GGACT: variants seen among roughly 807,000 people sequenced by gnomAD.
GGACT encodes gamma-glutamylaminecyclotransferase.
For missense variants in GGACT, 241 were observed against 233.2 expected, an observed-to-expected ratio of 1.03 and a Z score of -0.22; for synonymous variants, 118 against 115.3, an observed-to-expected ratio of 1.02 and a Z score of -0.15.
At chr13:100,540,759 A>T (rs1430169428) in intron 2 of GGACT, among the ~76,000 whole-genome samples, 1 of 152,192 alleles carries the variant, frequency 6.6e-6, no homozygotes, top group Admixed American at 6.5e-5. Flanking sequence ...TGCTGTGAGG[A>T]TCACAACCAA....
Position 100,530,406 on chromosome 13 carries a change from T to TAAATC in GGACT, c.*1719_*1723dup. The TAAATC allele has an allele frequency of 1.7e-6, 1 of 590,608 alleles. No individual in the cohort carries two copies. 36.6% of individuals were successfully genotyped at this position (590,608 alleles called of 1,614,324 possible). A position where few individuals can be genotyped will look rare whatever the true frequency, so the allele number is the denominator to read the frequency against. On this transcript the variant is annotated 3_prime_UTR_variant, in exon 3 of 3. Transcript: ENST00000683975. ...CTGTGAGATTCCCTAGTGTCAAAATTAAATCAATAAAACTGAGCATTTGTC... is the reference window on the plus strand; with the variant it reads ...CTGTGAGATTCCCTAGTGTCAAAATTAAATCAAATCAATAAAACTGAGCATTTGTC...
At chr13:100,546,705 A>T (rs1039968845) in intron 2 of GGACT, among the ~76,000 whole-genome samples, 1 of 152,196 alleles carries the variant, frequency 6.6e-6, no homozygotes, top group African/African-American at 2.4e-5. Flanking sequence ...ATATGTAATA[A>T]AATAATGTTT....
Position 100,532,326 on chromosome 13 carries a change from T to C in GGACT, c.266A>G (p.Gln89Arg). 6.5e-7 allele frequency: 1 copy of C among 1,549,914 alleles called. No individual in the cohort carries two copies. Among genetic ancestry groups the C allele is most frequent in the Non-Finnish European group, 8.7e-7 (1 of 1,146,190 alleles). Residue 89 changes from glutamine to arginine, a missense_variant, in exon 3 of 3, where the codon CAG becomes CGG. Gln to Arg is a conservative substitution (Grantham distance 43, BLOSUM62 1). Transcript: ENST00000683975. ...CAGCTGTACCCGCAGCACCGTGCGC[T>C]GGTACAGGGCCGGGCAACTCTCGAA... ...DDFESCPALYQRTVLRVQLLE... is the reference protein window; with the variant it reads ...DDFESCPALYRRTVLRVQLLE...
chr13:100,532,652 C>G, intron 2 of GGACT, 51 bp from the exon 3 acceptor site: 1 of 1,416,280 alleles, frequency 7.1e-7, no homozygotes, highest in South Asian at 1.4e-5. Context: ...AGCTCTGTGT[C>G]TGCACCTGGG....
At chr13:100,570,306 C>A (rs993772216) in intron 2 of GGACT, among the ~76,000 whole-genome samples, 1 of 152,148 alleles carries the variant, frequency 6.6e-6, no homozygotes, top group Non-Finnish European at 1.5e-5. Flanking sequence ...TTAATCGACT[C>A]GTGTTCAGCA....
At chr13:100,536,213 A>G (rs1366466707) in intron 2 of GGACT, 1 of 152,016 alleles carries the variant, frequency 6.6e-6, no homozygotes, top group East Asian at 1.9e-4. Context: ...TTTATCCCTC[A>G]GATTCTAGAA....
intron 1 of GGACT, chr13:100,587,140 G>C (rs1875603625): frequency 6.6e-6 from 1 of 152,136 alleles, no homozygotes; most frequent in East Asian, 1.9e-4. Flanking sequence ...CAGCCTGCTG[G>C]TGTCCTAATC....
At chr13:100,567,303 T>C (rs1477317045) in intron 2 of GGACT, among the ~76,000 whole-genome samples, 1 of 152,250 alleles carries the variant, frequency 6.6e-6, no homozygotes, top group Non-Finnish European at 1.5e-5. Context: ...TATTTATTTG[T>C]ATCTACATGG....
intron 2 of GGACT, among the ~76,000 whole-genome samples, chr13:100,558,019 A>G (rs1306420803): frequency 6.6e-6 from 1 of 152,130 alleles, no homozygotes. Context: ...AGTCTCTACT[A>G]GAAATACAAA....
chr13:100,548,272 C>T (rs561510000), intron 2 of GGACT, among the ~76,000 whole-genome samples: 1 of 152,322 alleles, frequency 6.6e-6, no homozygotes, highest in East Asian at 1.9e-4. Context: ...GAGTTTGAAA[C>T]AGGAATAAAA....
Position 100,532,195 on chromosome 13 carries a change from G to A in GGACT, c.397C>T (p.His133Tyr). 6.8e-7 allele frequency: 1 copy of A among 1,476,372 alleles called. No individual in the cohort carries two copies. The highest frequency in any genetic ancestry group is 9.0e-7 in the Non-Finnish European group (1 of 1,106,562). The allele number at this position is 1,476,372 out of a possible 1,614,324, so 91.5% of individuals were successfully genotyped here. A position where few individuals can be genotyped will look rare whatever the true frequency, so the allele number is the denominator to read the frequency against. Residue 133 changes from histidine (H) to tyrosine (Y), a missense_variant, in exon 3 of 3, where the codon CAC becomes TAC. Transcript: ENST00000683975. The part of the protein sequence containing the change: ...TFPPEWAQLP[H>Y]HDSYDSEGPH... ...CCCTCGGAGTCGTAGCTGTCATGGT[G>A]CGGGAGCTGGGCCCACTCCGGCGGG...
chr13:100,585,645 G>A (rs1282484432), intron 1 of GGACT, among the ~76,000 whole-genome samples: 2 of 151,908 alleles, frequency 1.3e-5, no homozygotes, highest in Non-Finnish European at 2.9e-5. Flanking sequence ...GCATGCGCCT[G>A]TAGTCCCAGC....
rs538277957 is a variant in GGACT at position 100,548,143 on chromosome 13, T to C, written c.-10-15542A>G. ...CCTTGTGTGCTCCCAAAGGTCTGGA[T>C]TGTTTCAACTCCGGCAGAAGGCAAG... is the stretch of plus-strand genomic sequence containing the variant. On this transcript the variant is annotated intron_variant, in intron 2 of 2. Transcript: ENST00000683975. Among the ~76,000 whole-genome samples the C allele has an allele frequency of 6.6e-5, 10 of 152,330 alleles. No individual in the cohort carries two copies. In the South Asian group the frequency reaches 2.1e-3, roughly 32 times the overall value.
intron 2 of GGACT, among the ~76,000 whole-genome samples, chr13:100,572,796 A>G (rs895589291): frequency 2.0e-5 from 3 of 152,200 alleles, no homozygotes; most frequent in African/African-American, 7.2e-5. Context: ...CTGATTAATG[A>G]TGAACTGTGC....
rs144179052 is a variant in GGACT, at chr13:100,581,017, G to A, written c.-11+2808C>T. Among the ~76,000 whole-genome samples the A allele has an allele frequency of 2.6e-5, 4 of 152,356 alleles. No individual in the cohort carries two copies. The East Asian group carries it at 7.7e-4, about 29-fold the overall frequency. On this transcript the variant is annotated intron_variant, in intron 2 of 2. Coordinates refer to ENST00000683975, the MANE Select transcript of GGACT (RefSeq NM_001195087.2). ...CTCACTGTTGGAATGGGAGGTGAGA[G>A]ACAGCAGGGAAAACGCAAGAGTGAT...
intron 2 of GGACT, among the ~76,000 whole-genome samples, chr13:100,582,070 T>C (rs1301316875): frequency 2.0e-5 from 3 of 152,242 alleles, no homozygotes; most frequent in Non-Finnish European, 4.4e-5. Context: ...ACAATGGTTT[T>C]CCCTGTCTCT....
Position 100,583,848 on chromosome 13 carries a change from A to G in GGACT, c.-34T>C, listed in dbSNP as rs1271858862. 1 of 152,204 alleles carries G rather than the reference A, an allele frequency of 6.6e-6. No individual in the cohort carries two copies. The highest frequency in any genetic ancestry group is 2.4e-5 in the African/African-American group (1 of 41,444). 9.4% of individuals were successfully genotyped at this position (152,204 alleles called of 1,614,324 possible). ...ACCTGTAAGCTTGTTTCTTCAAGGAAGTGTTGCCTTAGAATCCAGATCCAC... is the reference window on the plus strand; with the variant it reads ...ACCTGTAAGCTTGTTTCTTCAAGGAGGTGTTGCCTTAGAATCCAGATCCAC... On this transcript the variant is annotated 5_prime_UTR_variant, in exon 2 of 3. Transcript: ENST00000683975.
intron 2 of GGACT, among the ~76,000 whole-genome samples, chr13:100,548,030 G>A (rs1283147832): frequency 6.6e-6 from 1 of 152,250 alleles, no homozygotes; most frequent in East Asian, 1.9e-4. Flanking sequence ...GCCGGGAAAA[G>A]CCAAGAATCT....
chr13:100,557,588 A>T (rs2088720213), intron 2 of GGACT, among the ~76,000 whole-genome samples: 1 of 152,098 alleles, frequency 6.6e-6, no homozygotes, highest in East Asian at 1.9e-4. Flanking sequence ...ATAGATTTTT[A>T]AAAACCTCTT....
Sources: gnomAD v4.1 joint callset for allele counts (sites outside exome capture counted in the v4.1 genomes callset) on GRCh38, gnomAD v4.1.1 for gene constraint, MANE v1.5 for transcripts, NCBI Gene and HGNC (gene_info 2026-07-23, HGNC 2026-07-21) for gene names.